The following RYR2 variants were observed in gnomAD, a reference collection of about 807,000 sequenced individuals.
RYR2 encodes the protein cardiac muscle ryanodine receptor-calcium release channel.
A neutral mutation model predicts 601.1 loss-of-function variants in RYR2; 227 were observed. That is an observed-to-expected ratio of 0.38 (90% CI 0.34 to 0.42). RYR2 has a LOEUF of 0.42. Among genes scored for constraint, RYR2 ranks in the 10% least tolerant of loss-of-function variants. RYR2 has a pLI of 1.00. For missense variants in RYR2, 4,646 were observed against 6,156.5 expected (o/e 0.75, Z 8.21); for synonymous variants, 2,223 against 2,175.1 (o/e 1.02, Z -0.61).
intron 3 of RYR2, among the ~76,000 whole-genome samples, chr1:237,353,210 TAA>T (rs68141967): frequency 2.0e-5 from 3 of 152,042 alleles, no homozygotes; most frequent in South Asian, 2.1e-4. Context: ...AAACTTTTTT[TAA>T]AAAAGTTTAT....
chr1:237,306,824 T>C (rs1693918846), intron 2 of RYR2, among the ~76,000 whole-genome samples: 1 of 152,174 alleles, frequency 6.6e-6, no homozygotes, highest in Admixed American at 6.5e-5. Context: ...TAACAAGAAT[T>C]AGTCCTTTTA....
intron 1 of RYR2, among the ~76,000 whole-genome samples, chr1:237,052,729 A>G (rs1661441468): frequency 6.6e-6 from 1 of 152,154 alleles, no homozygotes; most frequent in Non-Finnish European, 1.5e-5. Flanking sequence ...CTTTTAGGGA[A>G]GAACAACATA....
At chr1:237,571,277 A>G (rs1460670044) in intron 29 of RYR2, among the ~76,000 whole-genome samples, 1 of 150,990 alleles carries the variant, frequency 6.6e-6, no homozygotes, top group Non-Finnish European at 1.5e-5. Flanking sequence ...TTTAAGATAC[A>G]TACCTACCTC....
rs139941572 is a variant in RYR2, at chr1:237,829,485, G to A, written c.14655+1040G>A. ...AGGCTTCAGGCATTAGCCACCAGATGGATGGTGGCATAGTTAGCTGACCTA... is the reference window on the plus strand; with the variant it reads ...AGGCTTCAGGCATTAGCCACCAGATAGATGGTGGCATAGTTAGCTGACCTA... On this transcript the variant is annotated intron_variant, in intron 102 of 104. Coordinates refer to ENST00000366574, the MANE Select transcript of RYR2 (RefSeq NM_001035.3). 3.3e-5 allele frequency among the ~76,000 whole-genome samples: 5 copies of A among 152,296 alleles called. No homozygotes were observed. The East Asian group carries it at 9.7e-4, about 30-fold the overall frequency.
rs1670049700 is a variant in RYR2 at position 237,548,481 on chromosome 1, T to A, written c.2957T>A (p.Ile986Asn). 11 of 1,613,878 alleles carry A rather than the reference T, an allele frequency of 6.8e-6. No individual in the cohort carries two copies. The highest frequency in any genetic ancestry group is 2.2e-5 in the East Asian group (1 of 44,898). ...YKPAPMDLSF[I>N]KLTPSQEAMV... ...CCTGCCCCTATGGACCTGAGCTTTA[T>A]CAAACTCACCCCATCACAAGAAGCA... Residue 986 changes from isoleucine (I) to asparagine (N), a missense_variant, in exon 26 of 105, where the codon ATC becomes AAC. This residue lies in a region of RYR2 where 1,807 missense variants were observed against 2,088.1 expected (regional missense o/e 0.87). Coordinates refer to ENST00000366574, the MANE Select transcript of RYR2 (RefSeq NM_001035.3).
At chr1:237,493,667 T>A (rs1368488746) in intron 19 of RYR2, among the ~76,000 whole-genome samples, 7 of 152,180 alleles carry the variant, frequency 4.6e-5, no homozygotes, top group African/African-American at 1.7e-4. Flanking sequence ...TTAGCCAGGA[T>A]GGTCTCGAAC....
chr1:237,475,527 G>A (rs1661304068), intron 17 of RYR2, among the ~76,000 whole-genome samples: 1 of 152,178 alleles, frequency 6.6e-6, no homozygotes, highest in Non-Finnish European at 1.5e-5. Flanking sequence ...ATAAGAAAAA[G>A]TGTGGGTGGT....
chr1:237,265,611 C>T (rs1010894933), intron 1 of RYR2, among the ~76,000 whole-genome samples: 9 of 152,246 alleles, frequency 5.9e-5, no homozygotes, highest in African/African-American at 2.2e-4. Flanking sequence ...TGTGAGCTAC[C>T]GCGCCTGGCC....
chr1:237,205,018 C>T (rs1007849699), intron 1 of RYR2, among the ~76,000 whole-genome samples: 9 of 152,302 alleles, frequency 5.9e-5, no homozygotes, highest in African/African-American at 1.7e-4. Flanking sequence ...AGGGCTGTGG[C>T]ATGGTCCTGC....
chr1:237,660,365 A>G (rs1467970674), intron 55 of RYR2, among the ~76,000 whole-genome samples: 3 of 151,690 alleles, frequency 2.0e-5, no homozygotes, highest in African/African-American at 7.3e-5. Flanking sequence ...TCTTCTTATC[A>G]TGCTTAAGAG....
intron 73 of RYR2, among the ~76,000 whole-genome samples, chr1:237,720,956 C>T (rs1278620120): frequency 3.9e-5 from 6 of 152,118 alleles, no homozygotes; most frequent in Non-Finnish European, 8.8e-5. Context: ...CATATTTCAC[C>T]TCCAAATGAA....
chr1:237,257,936 G>A (rs542562126), intron 1 of RYR2, among the ~76,000 whole-genome samples: 3 of 152,130 alleles, frequency 2.0e-5, no homozygotes, highest in Admixed American at 6.5e-5. Context: ...GGCCAAGGCG[G>A]GCAGATCACC....
chr1:237,071,803 G>A (rs1272237050), intron 1 of RYR2, among the ~76,000 whole-genome samples: 1 of 152,164 alleles, frequency 6.6e-6, no homozygotes, highest in East Asian at 1.9e-4. Flanking sequence ...GGTGCCTGCC[G>A]AGCTGCTCTC....
chr1:237,219,254 G>T (rs977340478), intron 1 of RYR2, among the ~76,000 whole-genome samples: 1 of 152,082 alleles, frequency 6.6e-6, no homozygotes, highest in Non-Finnish European at 1.5e-5. Context: ...CTGACCTCAA[G>T]TGATCCACCT....
At chr1:237,648,743 G>C in intron 49 of RYR2, 130 bp downstream of exon 49, 1 of 1,077,508 alleles carries the variant, frequency 9.3e-7, no homozygotes, top group South Asian at 1.9e-5. Flanking sequence ...ATATTTTCAG[G>C]TAAGCCATGG....
intron 4 of RYR2, among the ~76,000 whole-genome samples, chr1:237,359,947 A>G (rs1482575916): frequency 1.3e-5 from 2 of 152,212 alleles, no homozygotes; most frequent in Non-Finnish European, 2.9e-5. Context: ...GATGAAATAG[A>G]CTGTGAGATT....
At chr1:237,121,835 G>A (rs2148652159) in intron 1 of RYR2, among the ~76,000 whole-genome samples, 1 of 152,264 alleles carries the variant, frequency 6.6e-6, no homozygotes, top group Middle Eastern at 3.4e-3. Flanking sequence ...TGTAGATATG[G>A]GATATAAAAA....
intron 64 of RYR2, among the ~76,000 whole-genome samples, chr1:237,699,918 A>G (rs995850836): frequency 1.5e-4 from 23 of 152,214 alleles, no homozygotes; most frequent in Admixed American, 1.5e-3. Flanking sequence ...CGGATTAACT[A>G]TACTCACTCA....
chr1:237,053,799 G>A (rs1279118256), intron 1 of RYR2, among the ~76,000 whole-genome samples: 2 of 152,156 alleles, frequency 1.3e-5, no homozygotes, highest in East Asian at 1.9e-4. Flanking sequence ...AAAGGATGTT[G>A]AGGAGGGAGG....
Sources: gnomAD v4.1 joint callset for allele counts (sites outside exome capture counted in the v4.1 genomes callset) on GRCh38, gnomAD v4.1.1 for gene constraint, gnomAD v4.1.1 regional missense constraint, MANE v1.5 for transcripts, NCBI Gene and HGNC (gene_info 2026-07-23, HGNC 2026-07-21) for gene names.